The following MCF2L variants were observed in gnomAD, a reference collection of about 807,000 sequenced individuals.
MCF2L encodes the protein MCF.2 cell line derived transforming sequence like, also known as guanine nucleotide exchange factor DBS.
In MCF2L, 97 loss-of-function variants were observed where a neutral mutation model predicts 153.4. The ratio of observed to expected loss-of-function variants is 0.63; its 90% CI spans 0.54 to 0.75. The LOEUF (loss-of-function observed/expected upper bound fraction) is 0.75. Among genes scored for constraint, MCF2L ranks in the 30% least tolerant of loss-of-function variants. The pLI is 0.00. For missense variants in MCF2L, 1,347 were observed against 1,495.2 expected, an observed-to-expected ratio of 0.90 and a Z score of 1.64; for synonymous variants, 659 against 632.2, an observed-to-expected ratio of 1.04 and a Z score of -0.64.
chr13:112,920,245 AG>A (rs2081338875), intron 2 of MCF2L, among the ~76,000 whole-genome samples: 3 of 152,186 alleles, frequency 2.0e-5, no homozygotes, highest in Non-Finnish European at 4.4e-5. Flanking sequence ...GTGTCTGTAG[AG>A]TACAGTTCTG....
In MCF2L at chr13:113,098,542, C is replaced by T. The variant is rs1339613104; in HGVS notation, c.*1683C>T. 2.6e-5 allele frequency: 4 copies of T among 152,262 alleles called. No individual in the cohort carries two copies. Among genetic ancestry groups the T allele is most frequent in the Non-Finnish European group, 5.9e-5 (4 of 68,054 alleles). The allele number at this position is 152,262 out of a possible 1,614,324, so 9.4% of individuals were successfully genotyped here. A position where few individuals can be genotyped will look rare whatever the true frequency, so the allele number is the denominator to read the frequency against. On this transcript the variant is annotated 3_prime_UTR_variant, in exon 30 of 30. Coordinates refer to ENST00000535094, the MANE Select transcript of MCF2L (RefSeq NM_001112732.3). ...ATGACGTTTGAATAAATATCAGCAA[C>T]TCCTGCCATCTGCCTTTGTCTGTCA...
intron 27 of MCF2L, chr13:113,095,291 G>C: frequency 1.7e-6 from 2 of 1,180,728 alleles, no homozygotes; most frequent in Non-Finnish European, 2.1e-6. Context: ...GACAGGTCCC[G>C]GAGGCTCTGG....
chr13:112,931,846 G>A (rs1459937142), intron 2 of MCF2L, among the ~76,000 whole-genome samples: 1 of 152,106 alleles, frequency 6.6e-6, no homozygotes, highest in Admixed American at 6.6e-5. Flanking sequence ...AGGAACCACC[G>A]AACACTCCCC....
Position 113,087,726 on chromosome 13 carries a change from C to G in MCF2L, c.2615C>G (p.Thr872Arg). ...TCGCAGATGGCTGCCGTTGGCATTA[C>G]GGAGAACGTGAAGGGAGATGCTAAG... ...QSLNMAAVGI[T>R]ENVKGDAKKF... The change falls in exon 23 of 30, where the codon ACG becomes AGG. Residue 872 changes from threonine to arginine, a missense_variant. This residue lies in a region of MCF2L where 144 missense variants were observed against 238.7 expected (regional missense o/e 0.60). Transcript: ENST00000535094. The G allele has an allele frequency of 6.2e-7, 1 of 1,614,040 alleles. No individual in the cohort carries two copies. Among genetic ancestry groups the G allele is most frequent in the Non-Finnish European group, 8.5e-7 (1 of 1,179,984 alleles).
At chr13:112,997,379 C>A (rs2083183718) in intron 1 of MCF2L, among the ~76,000 whole-genome samples, 1 of 152,198 alleles carries the variant, frequency 6.6e-6, no homozygotes, top group African/African-American at 2.4e-5. Flanking sequence ...GTTACACAGG[C>A]AGCTCCTGCA....
Position 113,064,349 on chromosome 13 carries a change from A to G in MCF2L, c.535A>G (p.Lys179Glu), listed in dbSNP as rs74949017. Reference protein sequence around the residue: ...SVPDLHGYIDKSQLTEDLGGT... With the variant: ...SVPDLHGYIDESQLTEDLGGT... ...ACCAGACTTACACGGTTACATCGAT[A>G]AGTCGCAGCTGACCGAGGACCTGGG... The change falls in exon 6 of 30, where the codon AAG (lysine) becomes GAG (glutamate). Residue 179 changes from lysine (K) to glutamate (E), a missense_variant. By Grantham distance (56) the Lys-to-Glu change is moderately conservative. This residue lies in a region of MCF2L where 820 missense variants were observed against 921.2 expected (regional missense o/e 0.89). Transcript: ENST00000535094. The surrounding 1 kb of genome is among the most constrained non-coding windows in gnomAD (Gnocchi z 6.0). The G allele has an allele frequency of 2.1e-3, 3,428 of 1,612,954 alleles. 7 individuals are homozygous for G. The highest frequency in any genetic ancestry group is 2.7e-3 in the Non-Finnish European group (3,243 of 1,179,938).
chr13:112,956,044 A>C (rs1195121274), intron 2 of MCF2L: 2 of 152,086 alleles, frequency 1.3e-5, no homozygotes, highest in East Asian at 3.9e-4. Flanking sequence ...TTTTCCCAGG[A>C]GGCGTGATTA....
chr13:113,075,669 G>A (rs1190227549), intron 11 of MCF2L, among the ~76,000 whole-genome samples: 1 of 152,188 alleles, frequency 6.6e-6, no homozygotes, highest in Non-Finnish European at 1.5e-5. Flanking sequence ...AGAAGCTTAA[G>A]GCCTGGTTGA....
At chr13:112,985,932 A>G (rs149484564) in intron 1 of MCF2L, among the ~76,000 whole-genome samples, 1 of 152,314 alleles carries the variant, frequency 6.6e-6, no homozygotes, top group Non-Finnish European at 1.5e-5. Flanking sequence ...CGGCACACCG[A>G]AGCCCGGTTT....
intron 1 of MCF2L, among the ~76,000 whole-genome samples, chr13:112,901,864 G>A (rs2081122587): frequency 6.6e-6 from 1 of 152,226 alleles, no homozygotes; most frequent in Admixed American, 6.5e-5. Context: ...AACTAGGGAC[G>A]TCTATGTCTT....
upstream of MCF2L, chr13:112,968,601 AC>A: frequency 6.5e-7 from 1 of 1,534,378 alleles, no homozygotes. Context: ...GGACCCAGCG[AC>A]CCACGGACCT....
rs1281053764 is a variant in MCF2L, at chr13:113,098,913, C to T, written c.*2054C>T. ...TGGAGAAAGGGGAAAGCATGGTTAA[C>T]AGGAAACAACATGTAACGGAAGAGA... On this transcript the variant is annotated 3_prime_UTR_variant, in exon 30 of 30. Transcript: ENST00000535094. The T allele has an allele frequency of 1.3e-5, 2 of 152,280 alleles. No individual in the cohort carries two copies. Among genetic ancestry groups the T allele is most frequent in the East Asian group, 3.8e-4 (2 of 5,204 alleles). 9.4% of individuals were successfully genotyped at this position (152,280 alleles called of 1,614,324 possible).
In MCF2L at chr13:113,096,814, C is replaced by T; in HGVS notation, c.3333C>T (p.Ser1111=). Residue 1111 remains serine, a synonymous_variant, in exon 30 of 30, where the codon AGC becomes AGT. Coordinates refer to ENST00000535094, the MANE Select transcript of MCF2L (RefSeq NM_001112732.3). ...CGGCCGTGCTGAGCAACTCGTCCAG[C>T]TGCAGCGAGGGCGGCCAGGCCCCCT... ...PGSAVLSNSS[S]CSEGGQAPFS... 1 of 1,544,124 alleles carries T rather than the reference C, an allele frequency of 6.5e-7. No homozygotes were observed. Among genetic ancestry groups the T allele is most frequent in the South Asian group, 1.2e-5 (1 of 84,484 alleles).
At chr13:113,016,558 C>T (rs550433399) in intron 2 of MCF2L, among the ~76,000 whole-genome samples, 2 of 152,286 alleles carry the variant, frequency 1.3e-5, no homozygotes, top group Admixed American at 1.3e-4. Context: ...CCAAAGCCTC[C>T]GTCGGCTCCT....
At chr13:113,090,430 T>TGGGCC in intron 26 of MCF2L, 1 of 975,366 alleles carries the variant, frequency 1.0e-6, no homozygotes. Context: ...CCCTCCTTCC[T>TGGGCC]CTCCCTGCCC....
chr13:112,985,305 T>C (rs1026776814), intron 1 of MCF2L: 4 of 435,448 alleles, frequency 9.2e-6, no homozygotes, highest in African/African-American at 4.0e-5. Flanking sequence ...AAGTTCAGCA[T>C]AGAAAGGTCC....
chr13:112,917,597 TG>T (rs2081307939), intron 2 of MCF2L: 1 of 181,934 alleles, frequency 5.5e-6, no homozygotes, highest in African/African-American at 2.4e-5. Context: ...GTGGCCCACC[TG>T]GCCCTTCGTG....
intron 2 of MCF2L, among the ~76,000 whole-genome samples, chr13:112,936,279 C>CAAAAAAA (rs34826552): frequency 2.7e-5 from 2 of 74,278 alleles, no homozygotes; most frequent in Non-Finnish European, 5.0e-5. Context: ...GACTCTGTCT[C>CAAAAAAA]AAAAAAAAAA....
chr13:112,951,553 G>GA lies in MCF2L; in HGVS notation c.169+49188dup, dbSNP rs1329494025. Among the ~76,000 whole-genome samples, 22 of 152,180 alleles carry GA rather than the reference G, an allele frequency of 1.4e-4. No homozygotes were observed. The highest frequency in any genetic ancestry group is 2.1e-4 in the Non-Finnish European group (14 of 68,038). On this transcript the variant is annotated intron_variant, in intron 2 of 29. Transcript: ENST00000375608. This position sits in a 1 kb window ranked among gnomAD's most constrained non-coding sequence, Gnocchi z 4.8. ...AACTCTCCAGAGAATTATGCTGAGT[G>GA]AAAAAAGCCAATTCCAAAAGGTTAC...
Sources: gnomAD v4.1 joint callset for allele counts (sites outside exome capture counted in the v4.1 genomes callset) on GRCh38, gnomAD v4.1.1 for gene constraint, gnomAD v4.1.1 regional missense constraint, Gnocchi (gnomAD v3.1) non-coding constraint, MANE v1.5 for transcripts, NCBI Gene and HGNC (gene_info 2026-07-23, HGNC 2026-07-21) for gene names.